Variants in MED13L observed in about 807,000 individuals in gnomAD.
The protein encoded by MED13L is mediator of RNA polymerase II transcription subunit 13-like.
A neutral mutation model predicts 220.9 loss-of-function variants in MED13L; 7 were observed. The ratio of observed to expected loss-of-function variants is 0.03; its 90% CI spans 0.02 to 0.06. The LOEUF (loss-of-function observed/expected upper bound fraction) is 0.06, where lower values mean the gene tolerates loss of function less well. MED13L is among the 10% of genes least tolerant of loss of function. The pLI is 1.00. For missense variants in MED13L, 1,965 were observed against 2,760.5 expected (o/e 0.71, Z 6.46); for synonymous variants, 1,011 against 1,015.2 (o/e 1.00, Z 0.08).
intron 2 of MED13L, among the ~76,000 whole-genome samples, chr12:116,148,074 A>AAAAAAAAAAAAAGG (rs1377801971): frequency 1.0e-5 from 1 of 98,312 alleles, no homozygotes; most frequent in African/African-American, 3.9e-5. Context: ...AAAAAAAAAA[A>AAAAAAAAAAAAAGG]GAGGGGGGCG....
At chr12:115,967,882 G>A (rs1207048404) in intron 28 of MED13L, among the ~76,000 whole-genome samples, 2 of 152,148 alleles carry the variant, frequency 1.3e-5, no homozygotes, top group Non-Finnish European at 2.9e-5. Flanking sequence ...GTACTGCAAA[G>A]GAAACAAAGA....
intron 2 of MED13L, among the ~76,000 whole-genome samples, chr12:116,223,560 C>T (rs181708274): frequency 4.8e-4 from 73 of 152,036 alleles, no homozygotes; most frequent in Non-Finnish European, 8.7e-4. Context: ...TAAAATTAGC[C>T]GAGCATGGTG....
In MED13L at chr12:116,010,345, T is replaced by C. The variant is rs191404104; in HGVS notation, c.1281-1213A>G. ...TATCTCAATAACTTATGAAGGTACT[T>C]ACTTTAAAACCTAAAATTTAAAAGT... On this transcript the variant is annotated intron_variant, in intron 9 of 30. Transcript: ENST00000281928. 1.4e-3 allele frequency among the ~76,000 whole-genome samples: 212 copies of C among 152,324 alleles called. 1 individual carries two copies. Among genetic ancestry groups the C allele is most frequent in the Non-Finnish European group, 2.4e-3 (161 of 68,032 alleles).
chr12:116,010,835 G>A (rs1365545408), intron 9 of MED13L, among the ~76,000 whole-genome samples: 5 of 151,812 alleles, frequency 3.3e-5, no homozygotes, highest in Admixed American at 2.6e-4. Flanking sequence ...CCACAATAGG[G>A]TTCCAGGTTT....
chr12:116,197,486 G>A (rs907671293), intron 2 of MED13L, among the ~76,000 whole-genome samples: 3 of 152,112 alleles, frequency 2.0e-5, no homozygotes, highest in Non-Finnish European at 4.4e-5. Flanking sequence ...CAGTTACTTG[G>A]CCAGGCGTGG....
At chr12:116,034,191 T>C (rs1235255136) in intron 4 of MED13L, among the ~76,000 whole-genome samples, 2 of 152,178 alleles carry the variant, frequency 1.3e-5, no homozygotes, top group African/African-American at 4.8e-5. Context: ...TAAGTTTATG[T>C]TTAGCCCATC....
At chr12:116,094,749 G>C (rs1166926730) in intron 4 of MED13L, among the ~76,000 whole-genome samples, 2 of 152,092 alleles carry the variant, frequency 1.3e-5, no homozygotes, top group East Asian at 3.8e-4. Flanking sequence ...TGATAAAGAA[G>C]GTCACTGGGA....
chr12:116,125,633 TCTA>T (rs1875519343), intron 2 of MED13L, among the ~76,000 whole-genome samples: 1 of 152,210 alleles, frequency 6.6e-6, no homozygotes, highest in South Asian at 2.1e-4. Flanking sequence ...CTATACAATT[TCTA>T]CTGTCGGTGC....
chr12:116,180,832 C>T (rs1880467022), intron 2 of MED13L, among the ~76,000 whole-genome samples: 1 of 151,976 alleles, frequency 6.6e-6, no homozygotes, highest in Non-Finnish European at 1.5e-5. Context: ...ATCTAAATGG[C>T]TAGTCAAAGT....
intron 1 of MED13L, among the ~76,000 whole-genome samples, chr12:116,266,554 C>T (rs1320731956): frequency 6.6e-6 from 1 of 152,182 alleles, no homozygotes; most frequent in Non-Finnish European, 1.5e-5. Flanking sequence ...AGAAAAGGTG[C>T]TCCTGACACC....
Position 116,061,631 on chromosome 12 carries a change from G to A in MED13L, c.479+35038C>T, listed in dbSNP as rs151091836. Among the ~76,000 whole-genome samples the A allele has an allele frequency of 2.9e-3, 435 of 152,156 alleles. 4 individuals are homozygous for A. The East Asian group carries it at 0.034, about 12-fold the overall frequency. On this transcript the variant is annotated intron_variant, in intron 4 of 30. Transcript: ENST00000281928. The stretch of plus-strand genomic sequence containing the variant: ...AATGAAATCATCCCTTCATCAATGC[G>A]CATCCCAAATTACCTAATGTGAGTT...
At chr12:116,063,547 A>G (rs150766681) in intron 4 of MED13L, among the ~76,000 whole-genome samples, 43 of 152,212 alleles carry the variant, frequency 2.8e-4, no homozygotes, top group Non-Finnish European at 5.0e-4. Context: ...ATCAAAAAGC[A>G]TTGTTTGGAT....
chr12:116,090,428 C>G (rs1193667400), intron 4 of MED13L, among the ~76,000 whole-genome samples: 1 of 152,164 alleles, frequency 6.6e-6, no homozygotes, highest in African/African-American at 2.4e-5. Flanking sequence ...TATCAAATCT[C>G]TTGCAGTGGT....
chr12:116,122,096 T>G (rs1198910765), intron 2 of MED13L, among the ~76,000 whole-genome samples: 4 of 151,968 alleles, frequency 2.6e-5, no homozygotes, highest in Non-Finnish European at 5.9e-5. Context: ...CGCATCGTAG[T>G]GTTTAAAAAA....
intron 2 of MED13L, among the ~76,000 whole-genome samples, chr12:116,176,407 T>A (rs550671216): frequency 2.6e-5 from 4 of 152,128 alleles, no homozygotes; most frequent in Admixed American, 6.6e-5. Flanking sequence ...ATCATCATCA[T>A]CATCATCATC....
At chr12:116,186,408 A>G (rs932945878) in intron 2 of MED13L, among the ~76,000 whole-genome samples, 7 of 152,188 alleles carry the variant, frequency 4.6e-5, no homozygotes, top group African/African-American at 1.7e-4. Context: ...AGGGTGACAA[A>G]ACACCTGAAG....
At chr12:116,053,731 T>A (rs148863116) in intron 4 of MED13L, among the ~76,000 whole-genome samples, 5 of 152,218 alleles carry the variant, frequency 3.3e-5, no homozygotes, top group East Asian at 1.9e-4. Flanking sequence ...GATTCTACAC[T>A]CTCAAAGCTC....
intron 2 of MED13L, among the ~76,000 whole-genome samples, chr12:116,123,600 G>A (rs1033771730): frequency 5.3e-5 from 8 of 152,020 alleles, no homozygotes; most frequent in African/African-American, 1.4e-4. Context: ...ACAGAAGCTT[G>A]CTACTAAAAT....
In MED13L at chr12:116,148,615, A is replaced by C. The variant is rs772995554; in HGVS notation, c.311-37103T>G. The C allele has an allele frequency of 1.6e-4, 28 of 171,736 alleles. No individual in the cohort carries two copies. The East Asian group carries it at 4.5e-3, about 27-fold the overall frequency. The allele number at this position is 171,736 out of a possible 1,614,324, so 10.6% of individuals were successfully genotyped here. ...TCCATATATATGGAGATATCTATATATATATATATATATATACGGAGCTAG... is the reference window on the plus strand; with the variant it reads ...TCCATATATATGGAGATATCTATATCTATATATATATATATACGGAGCTAG... On this transcript the variant is annotated intron_variant, in intron 2 of 30. Transcript: ENST00000281928.
Sources: gnomAD v4.1 joint callset for allele counts (sites outside exome capture counted in the v4.1 genomes callset) on GRCh38, gnomAD v4.1.1 for gene constraint, MANE v1.5 for transcripts, NCBI Gene and HGNC (gene_info 2026-07-23, HGNC 2026-07-21) for gene names.